Variants in CD300A observed in about 807,000 individuals in gnomAD.
CD300A encodes CD300a molecule, also known as CMRF35-like molecule 8.
In CD300A, 22 loss-of-function variants were observed where a neutral mutation model predicts 33.6. That is an observed-to-expected ratio of 0.66 (90% CI 0.47 to 0.94). The LOEUF (loss-of-function observed/expected upper bound fraction) is 0.94. CD300A is among the 40% of genes least tolerant of loss of function. The pLI is 0.00. For missense variants in CD300A, 326 were observed against 360.5 expected (o/e 0.90, Z 0.77); for synonymous variants, 136 against 148.1 (o/e 0.92, Z 0.59).
chr17:74,479,261 G>A (rs1394414654), intron 4 of CD300A, among the ~76,000 whole-genome samples: 1 of 151,436 alleles, frequency 6.6e-6, no homozygotes, highest in Non-Finnish European at 1.5e-5. Flanking sequence ...TTTTGAGACA[G>A]AGTCTCACTC....
chr17:74,467,691 A>G (rs1318402955), intron 1 of CD300A, among the ~76,000 whole-genome samples: 3 of 152,082 alleles, frequency 2.0e-5, no homozygotes, highest in Non-Finnish European at 4.4e-5. Context: ...TTTGCTAACT[A>G]CTTGTCTGTG....
At position 74,472,195 on chromosome 17, in the gene CD300A, G is replaced by A. The variant is rs1304550042; in HGVS notation, c.41-1341G>A. Among the ~76,000 whole-genome samples, 7 of 148,798 alleles carry A rather than the reference G, an allele frequency of 4.7e-5. 1 individual carries two copies. The highest frequency in any genetic ancestry group is 4.2e-4 in the South Asian group (2 of 4,736). ...AGAGGTTGCAATGAGCCGAGATCCC[G>A]CCACTGCACTCCAGCCTGGGCAACA... On this transcript the variant is annotated intron_variant, in intron 1 of 6. Coordinates refer to ENST00000360141, the MANE Select transcript of CD300A (RefSeq NM_007261.4).
At chr17:74,466,887 G>A in intron 1 of CD300A, 144 bp downstream of exon 1, 1 of 1,496,286 alleles carries the variant, frequency 6.7e-7, no homozygotes, top group South Asian at 1.3e-5. Flanking sequence ...TACCACATAA[G>A]ATGGACAGAT....
intron 4 of CD300A, among the ~76,000 whole-genome samples, chr17:74,478,049 G>A (rs538017160): frequency 5.3e-5 from 8 of 152,106 alleles, no homozygotes; most frequent in African/African-American, 1.9e-4. Flanking sequence ...CTCCCCATCC[G>A]CGCACCCTGG....
Position 74,466,685 on chromosome 17 carries a change from C to A in CD300A, c.-19C>A. The A allele has an allele frequency of 1.3e-6, 2 of 1,591,088 alleles. No homozygotes were observed. The highest frequency in any genetic ancestry group is 1.7e-6 in the Non-Finnish European group (2 of 1,168,310). On this transcript the variant is annotated 5_prime_UTR_variant, in exon 1 of 7. The change creates a new upstream start codon in the 5' untranslated region. Transcript: ENST00000360141. The stretch of plus-strand genomic sequence containing the variant: ...GGCCTGGAGCTGCTGCAAGTGCCGC[C>A]TGTGCTGGGGAAGGGACCATGTGGC...
rs772241880 is a variant in CD300A at position 74,477,500 on chromosome 17, G to C, written c.598G>C (p.Ala200Pro). ...TCTGTTGGTGGGGGCCTCCCTGCTA[G>C]CCTGGAGGATGTTTCAGAAATGGAT... The part of the protein sequence containing the change: ...LLLLVGASLL[A>P]WRMFQKWIKA... The change falls in exon 4 of 7, where the codon GCC becomes CCC. Residue 200 changes from alanine (A) to proline (P), a missense_variant. Transcript: ENST00000360141. The C allele has an allele frequency of 3.7e-6, 6 of 1,613,332 alleles. No homozygotes were observed. Among genetic ancestry groups the C allele is most frequent in the Non-Finnish European group, 5.1e-6 (6 of 1,179,872 alleles).
intron 6 of CD300A, 23 bp downstream of exon 6, chr17:74,481,856 T>G (rs1392937465): frequency 6.4e-7 from 1 of 1,566,590 alleles, no homozygotes; most frequent in Non-Finnish European, 8.7e-7. Context: ...GCCCGGCTTT[T>G]GGGCATGCGG....
chr17:74,477,662 G>A (rs1435105206), intron 4 of CD300A, 132 bp downstream of exon 4: 3 of 599,682 alleles, frequency 5.0e-6, no homozygotes, highest in African/African-American at 1.8e-5. Context: ...ACACATCCTA[G>A]GTGATCCTAC....
chr17:74,483,923 C>T, intron 6 of CD300A, 78 bp from the exon 7 acceptor site: 1 of 1,548,966 alleles, frequency 6.5e-7, no homozygotes. Context: ...CAGGTGTCCT[C>T]CCTCCTCCAT....
chr17:74,481,807 G>A lies in CD300A; in HGVS notation c.748G>A (p.Glu250Lys). ...GCAGGAAAAGCCAGCACCACCAAGG[G>A]AGGTGGAGGTGGAATACAGCACTGT... ...PLQEKPAPPR[E>K]VEVEYSTVAS... The change falls in exon 6 of 7, where the codon GAG (glutamate) becomes AAG (lysine). Residue 250 changes from glutamate to lysine, a missense_variant. By Grantham distance (56) the Glu-to-Lys change is moderately conservative (BLOSUM62 1). Transcript: ENST00000360141. The A allele has an allele frequency of 6.2e-7, 1 of 1,612,170 alleles. No individual in the cohort carries two copies.
chr17:74,477,229 G>T (rs1906525007), intron 3 of CD300A, among the ~76,000 whole-genome samples: 1 of 152,074 alleles, frequency 6.6e-6, no homozygotes, highest in African/African-American at 2.4e-5. Flanking sequence ...TAGCCGTGGT[G>T]GCCTGTGCCT....
chr17:74,469,821 G>A (rs1254888866), intron 1 of CD300A: 10 of 406,558 alleles, frequency 2.5e-5, no homozygotes, highest in Non-Finnish European at 3.3e-5. Flanking sequence ...GCGAAACTCT[G>A]TCTCAAAAAA....
chr17:74,468,208 A>G lies in CD300A; in HGVS notation c.40+1465A>G, dbSNP rs142817366. On this transcript the variant is annotated intron_variant, in intron 1 of 6. Coordinates refer to ENST00000360141, the MANE Select transcript of CD300A (RefSeq NM_007261.4). The stretch of plus-strand genomic sequence containing the variant: ...TACCACCATGCCTGGTTAATTTTGT[A>G]TTTTTAGTAGAGATGGGCTTTCTCC... Among the ~76,000 whole-genome samples the G allele has an allele frequency of 8.2e-3, 1,240 of 151,880 alleles. 7 individuals carry two copies. Among genetic ancestry groups the G allele is most frequent in the Admixed American group, 0.015 (231 of 15,236 alleles).
At chr17:74,466,613 A>T, upstream of CD300A, 1 of 1,395,392 alleles carries the variant, frequency 7.2e-7, no homozygotes, top group Non-Finnish European at 9.9e-7. Flanking sequence ...CAAGAAAAGC[A>T]GAAGTCGGGG....
At chr17:74,471,993 C>T (rs942445648) in intron 1 of CD300A, among the ~76,000 whole-genome samples, 7 of 152,074 alleles carry the variant, frequency 4.6e-5, no homozygotes, top group Non-Finnish European at 1.0e-4. Context: ...GTAATCCCAG[C>T]ACTTTGGGAG....
chr17:74,472,101 T>C (rs773912511), intron 1 of CD300A, among the ~76,000 whole-genome samples: 17 of 150,874 alleles, frequency 1.1e-4, no homozygotes, highest in Non-Finnish European at 2.2e-4. Context: ...ATTATCCGGG[T>C]GTGGTGGACG....
intron 1 of CD300A, among the ~76,000 whole-genome samples, chr17:74,470,567 G>A (rs71375229): frequency 0.014 from 2,148 of 152,208 alleles, 33 homozygotes; most frequent in Non-Finnish European, 0.023. Flanking sequence ...ATGACGATTC[G>A]CAGCCCAGGA....
intron 1 of CD300A, among the ~76,000 whole-genome samples, chr17:74,472,898 C>A (rs1332741946): frequency 6.6e-6 from 1 of 152,206 alleles, no homozygotes; most frequent in Non-Finnish European, 1.5e-5. Context: ...GCATAACCCA[C>A]TGTACCCAGC....
intron 1 of CD300A, chr17:74,469,987 T>A: frequency 1.0e-6 from 1 of 985,204 alleles, no homozygotes; most frequent in Non-Finnish European, 1.2e-6. Flanking sequence ...TGTGTGTGGG[T>A]GTGTGTGTTC....
Sources: gnomAD v4.1 joint callset for allele counts (sites outside exome capture counted in the v4.1 genomes callset) on GRCh38, gnomAD v4.1.1 for gene constraint, MANE v1.5 for transcripts, NCBI Gene and HGNC (gene_info 2026-07-23, HGNC 2026-07-21) for gene names.